HEATR4: variants seen among roughly 807,000 people sequenced by gnomAD.
HEATR4 encodes the protein HEAT repeat containing 4.
A neutral mutation model predicts 108.8 loss-of-function variants in HEATR4; 95 were observed. The ratio of observed to expected loss-of-function variants is 0.87; its 90% CI spans 0.74 to 1.04. HEATR4 has a LOEUF of 1.04. Among genes scored for constraint, HEATR4 ranks in the 50% least tolerant of loss-of-function variants. The pLI, the probability that HEATR4 is intolerant of heterozygous loss-of-function variation, is 0.00. For synonymous variants in HEATR4, 443 were observed against 459.4 expected, an observed-to-expected ratio of 0.96 and a Z score of 0.46; for missense variants, 1,152 against 1,253.8, an observed-to-expected ratio of 0.92 and a Z score of 1.23.
the HEATR4 span, among the ~76,000 whole-genome samples, chr14:73,590,773 C>T: frequency 6.6e-6 from 1 of 151,724 alleles, no homozygotes; most frequent in African/African-American, 2.4e-5. Flanking sequence ...TCGCGCTGGC[C>T]CGCAAGCCCC....
chr14:73,614,698 G>C, the HEATR4 span, among the ~76,000 whole-genome samples: 5 of 146,956 alleles, frequency 3.4e-5, no homozygotes, highest in African/African-American at 1.3e-4. Flanking sequence ...AGTGAGCCAA[G>C]ATTGCGCCAC....
At chr14:73,573,951 T>C in the HEATR4 span, among the ~76,000 whole-genome samples, 1 of 152,032 alleles carries the variant, frequency 6.6e-6, no homozygotes, top group Non-Finnish European at 1.5e-5. Flanking sequence ...GGTCTTGAAC[T>C]CCTGACCTCA....
chr14:73,583,809 G>A, the HEATR4 span, among the ~76,000 whole-genome samples: 1 of 151,970 alleles, frequency 6.6e-6, no homozygotes, highest in East Asian at 1.9e-4. Flanking sequence ...AGACCAGCCT[G>A]ACCAACATGG....
At chr14:73,620,182 T>G in the HEATR4 span, among the ~76,000 whole-genome samples, 2 of 152,160 alleles carry the variant, frequency 1.3e-5, no homozygotes, top group Non-Finnish European at 2.9e-5. Context: ...CCCAAAGTGC[T>G]GGGAATACAG....
chr14:73,632,925 C>T, the HEATR4 span, among the ~76,000 whole-genome samples: 1 of 150,178 alleles, frequency 6.7e-6, no homozygotes, highest in Non-Finnish European at 1.5e-5. Context: ...ACATTGTTAA[C>T]ACTTGTTCCA....
chr14:73,599,464 C>T, the HEATR4 span, among the ~76,000 whole-genome samples: 1 of 152,076 alleles, frequency 6.6e-6, no homozygotes, highest in Admixed American at 6.6e-5. Context: ...GTGACACGGG[C>T]TGCGGTAATT....
Position 73,518,884 on chromosome 14 carries a change from G to A in HEATR4, c.1210+139C>T, listed in dbSNP as rs555331743. ...AATTTTGTGAGATTATTTTTAGTAC[G>A]TAGAAAGGGGATTGCCTAGATGCTA... On this transcript the variant is annotated intron_variant, in intron 5 of 17. Transcript: ENST00000553558. 3.2e-4 allele frequency: 233 copies of A among 733,392 alleles called. 3 individuals carry two copies. The South Asian group carries it at 4.4e-3, about 14-fold the overall frequency. 45.4% of individuals were successfully genotyped at this position (733,392 alleles called of 1,614,324 possible).
intron 10 of HEATR4, among the ~76,000 whole-genome samples, chr14:73,506,070 TA>T (rs1179484880): frequency 4.0e-5 from 6 of 151,874 alleles, no homozygotes; most frequent in Non-Finnish European, 7.4e-5. Context: ...TTTGTATTTT[TA>T]GTAGAGATGG....
At chr14:73,563,039 T>G (rs867343642), upstream of HEATR4, among the ~76,000 whole-genome samples, 1 of 151,990 alleles carries the variant, frequency 6.6e-6, no homozygotes, top group Non-Finnish European at 1.5e-5. Context: ...ATACGATCTT[T>G]GTACCCACTC....
chr14:73,579,956 C>T, the HEATR4 span, among the ~76,000 whole-genome samples: 1 of 151,772 alleles, frequency 6.6e-6, no homozygotes, highest in African/African-American at 2.4e-5. Context: ...TTGCCAGGCC[C>T]ACATGGTGGT....
At chr14:73,588,190 G>C in the HEATR4 span, among the ~76,000 whole-genome samples, 1 of 152,042 alleles carries the variant, frequency 6.6e-6, no homozygotes, top group Non-Finnish European at 1.5e-5. Context: ...AGTACAGACA[G>C]GGTTTCACCA....
At position 73,492,819 on chromosome 14, in the gene HEATR4, C is replaced by T; in HGVS notation, c.2844+247G>A. 4 of 1,613,918 alleles carry T rather than the reference C, an allele frequency of 2.5e-6. No individual in the cohort carries two copies. The highest frequency in any genetic ancestry group is 3.4e-6 in the Non-Finnish European group (4 of 1,179,880). ...GATGCCATGGAACTGTTGCTTGGTT[C>T]TTATCCAGAGTTTGTGAGAGTGGGG... On this transcript the variant is annotated intron_variant, in intron 17 of 17. Coordinates refer to ENST00000553558, the MANE Select transcript of HEATR4 (RefSeq NM_001220484.1). This position sits in a 1 kb window ranked among gnomAD's most constrained non-coding sequence, Gnocchi z 4.9.
At chr14:73,591,913 G>T in the HEATR4 span, 3 of 1,344,608 alleles carry the variant, frequency 2.2e-6, no homozygotes, top group South Asian at 2.1e-5. Flanking sequence ...CACGATCTTG[G>T]ACGGGTCTCG....
intron 14 of HEATR4, 26 bp downstream of exon 14, chr14:73,498,129 G>T (rs929695154): frequency 1.3e-6 from 2 of 1,585,312 alleles, no homozygotes; most frequent in Non-Finnish European, 1.7e-6. Context: ...TAAGGTCATG[G>T]TGGGAGCCAG....
chr14:73,566,813 A>G, the HEATR4 span, among the ~76,000 whole-genome samples: 4 of 152,140 alleles, frequency 2.6e-5, no homozygotes, highest in African/African-American at 9.6e-5. Flanking sequence ...GGGCTTCTCA[A>G]GTGCCGCCAA....
rs1320421321 is a variant in HEATR4, at chr14:73,541,078, A to C, written c.-151-10834T>G. The stretch of plus-strand genomic sequence containing the variant: ...TCTTTAATTTTGTGTGAAACACAAA[A>C]CCTTTAATGTAAATGATAAAAATAT... On this transcript the variant is annotated intron_variant, in intron 1 of 17. Coordinates refer to ENST00000553558, the MANE Select transcript of HEATR4 (RefSeq NM_001220484.1). Among the ~76,000 whole-genome samples, 2 of 113,464 alleles carry C rather than the reference A, an allele frequency of 1.8e-5. 1 individual carries two copies. The highest frequency in any genetic ancestry group is 1.9e-4 in the Admixed American group (2 of 10,314). 74.4% of individuals were successfully genotyped at this position (113,464 alleles called of 152,430 possible).
chr14:73,613,659 G>A, the HEATR4 span, among the ~76,000 whole-genome samples: 1 of 152,208 alleles, frequency 6.6e-6, no homozygotes, highest in Non-Finnish European at 1.5e-5. Context: ...TGTCATATCT[G>A]AAGGGAGAGG....
At chr14:73,560,654 T>G (rs538029734), upstream of HEATR4, among the ~76,000 whole-genome samples, 118 of 126,836 alleles carry the variant, frequency 9.3e-4, 1 homozygote, top group Admixed American at 9.3e-3. Context: ...AGAGCAAGAC[T>G]CCATCTCAAA....
At chr14:73,617,904 G>A in the HEATR4 span, among the ~76,000 whole-genome samples, 1 of 108,636 alleles carries the variant, frequency 9.2e-6, no homozygotes, top group Non-Finnish European at 1.8e-5. Flanking sequence ...CAGTACTTTG[G>A]GAGGCCAAGG....
Sources: gnomAD v4.1 joint callset for allele counts (sites outside exome capture counted in the v4.1 genomes callset) on GRCh38, gnomAD v4.1.1 for gene constraint, Gnocchi (gnomAD v3.1) non-coding constraint, MANE v1.5 for transcripts, NCBI Gene and HGNC (gene_info 2026-07-23, HGNC 2026-07-21) for gene names.